The following THOC5 variants were observed in gnomAD, a reference collection of about 807,000 sequenced individuals.
THOC5 encodes the protein THO complex subunit 5, also known as Fms-interacting protein.
THOC5 carries 43 observed loss-of-function variants against 92.9 expected under a neutral mutation model. The ratio of observed to expected loss-of-function variants is 0.46; its 90% CI spans 0.36 to 0.60. THOC5 has a LOEUF of 0.60. Ranked by LOEUF, THOC5 falls within the 20% of genes least tolerant of loss-of-function variation. The probability of loss-of-function intolerance (pLI) is 0.00; values close to 1 mark genes in which losing one functional copy is unlikely to be tolerated. For missense variants in THOC5, 659 were observed against 849.4 expected (o/e 0.78, Z 2.79); for synonymous variants, 296 against 320.1 (o/e 0.92, Z 0.80).
At position 29,541,524 on chromosome 22, in the gene THOC5, A is replaced by G. The variant is rs1391352984; in HGVS notation, c.452+1335T>C. 8.6e-5 allele frequency among the ~76,000 whole-genome samples: 13 copies of G among 150,650 alleles called. No individual in the cohort carries two copies. In the East Asian group the frequency reaches 2.5e-3, roughly 29 times the overall value. The stretch of plus-strand genomic sequence containing the variant: ...CCTGTCTCAAAAAAAAAAAAAAAAA[A>G]AGACAAAAAACAAAACAATCAATCA... On this transcript the variant is annotated intron_variant, in intron 5 of 19. Transcript: ENST00000490103.
intron 6 of THOC5, among the ~76,000 whole-genome samples, chr22:29,538,800 GGAAAAAAAAAAAAAA>G (rs1364801451): frequency 1.2e-4 from 4 of 33,000 alleles, no homozygotes; most frequent in South Asian, 1.5e-3. Flanking sequence ...CCATCTCTTT[GGAAAAAAAAAAAAAA>G]AAAAAAAAAA....
chr22:29,531,170 A>G lies in THOC5; in HGVS notation c.847+661T>C, dbSNP rs148367187. ...GGGGAGGACCAGAAGGACGAGGAAG[A>G]CACAAGAAGAGACAGTAATGTGTTG... is the stretch of plus-strand genomic sequence containing the variant. On this transcript the variant is annotated intron_variant, in intron 8 of 19. Coordinates refer to ENST00000490103, the MANE Select transcript of THOC5 (RefSeq NM_003678.5). The G allele has an allele frequency of 6.5e-4, 725 of 1,121,206 alleles. 1 individual carries two copies. The highest frequency in any genetic ancestry group is 1.0e-3 in the Middle Eastern group (4 of 3,976). The allele number at this position is 1,121,206 out of a possible 1,614,324, so 69.5% of individuals were successfully genotyped here.
In THOC5 at chr22:29,526,317, A is replaced by G. The variant is rs149817058; in HGVS notation, c.1067-371T>C. On this transcript the variant is annotated intron_variant, in intron 11 of 19. Transcript: ENST00000490103. ...GGAGGCCAAGGTGGGCAGATCATGA[A>G]GTCAGGAGATCGAGACCATCCTGGC... Among the ~76,000 whole-genome samples the G allele has an allele frequency of 8.9e-3, 1,356 of 152,188 alleles. 16 individuals carry two copies. Among genetic ancestry groups the G allele is most frequent in the African/African-American group, 0.028 (1,161 of 41,544 alleles).
chr22:29,520,030 T>C lies in THOC5; in HGVS notation c.1352A>G (p.His451Arg), dbSNP rs981738196. ...YLWVQKLGGL[H>R]FPKEQPQQTV... ...GACCTGGGGCTGCTCTTTGGGGAAG[T>C]GGAGGCCACCCAGCTTCTGCACCCA... Residue 451 changes from histidine to arginine, a missense_variant, in exon 14 of 20, where the codon CAC becomes CGC. Transcript: ENST00000490103. 1.2e-6 allele frequency: 2 copies of C among 1,613,486 alleles called. No homozygotes were observed. Among genetic ancestry groups the C allele is most frequent in the African/African-American group, 1.3e-5 (1 of 74,850 alleles).
chr22:29,523,857 G>A (rs1160060821), intron 12 of THOC5, among the ~76,000 whole-genome samples: 1 of 152,218 alleles, frequency 6.6e-6, no homozygotes, highest in African/African-American at 2.4e-5. Flanking sequence ...TCAAGAATTA[G>A]TGTGAGAATA....
chr22:29,519,171 C>T (rs760221464), intron 14 of THOC5, 51 bp from the exon 15 acceptor site: 29 of 1,264,088 alleles, frequency 2.3e-5, no homozygotes, highest in African/African-American at 8.8e-5. Flanking sequence ...TCCCTTCCTC[C>T]GGGCACCATC....
At chr22:29,550,655 G>C (rs1487279706) in intron 1 of THOC5, 2 of 152,114 alleles carry the variant, frequency 1.3e-5, no homozygotes, top group African/African-American at 4.8e-5. Context: ...ATGGCTATGA[G>C]TCCCCGGACG....
At position 29,529,217 on chromosome 22, in the gene THOC5, G is replaced by C; in HGVS notation, c.870C>G (p.Ile290Met). The change falls in exon 9 of 20, where the codon ATC becomes ATG. Residue 290 changes from isoleucine (I) to methionine (M), a missense_variant. Transcript: ENST00000490103. The part of the protein sequence containing the change: ...QACDKTLSVA[I>M]EGSVDEAKAL... ...CCTTGGCTTCATCCACACTGCCTTC[G>C]ATTGCCACAGATAACGTCTTATCTG... 6.2e-7 allele frequency: 1 copy of C among 1,614,194 alleles called. No individual in the cohort carries two copies. Among genetic ancestry groups the C allele is most frequent in the Non-Finnish European group, 8.5e-7 (1 of 1,180,036 alleles).
At chr22:29,528,022 G>T in intron 11 of THOC5, 56 bp downstream of exon 11, 1 of 1,563,142 alleles carries the variant, frequency 6.4e-7, no homozygotes, top group South Asian at 1.1e-5. Context: ...TGCACCTGCA[G>T]CTGGGTGAAC....
intron 18 of THOC5, chr22:29,511,543 G>A (rs2063222735): frequency 1.9e-6 from 1 of 519,968 alleles, no homozygotes; most frequent in Admixed American, 3.4e-5. Context: ...AAACAGAGGT[G>A]TGCAGGGAAG....
intron 19 of THOC5, among the ~76,000 whole-genome samples, chr22:29,509,528 C>T (rs2063184149): frequency 6.6e-6 from 1 of 152,190 alleles, no homozygotes; most frequent in Non-Finnish European, 1.5e-5. Flanking sequence ...TATGAGATAA[C>T]ATAATGAACC....
chr22:29,544,031 G>A (rs1317686247), intron 3 of THOC5, among the ~76,000 whole-genome samples: 6 of 135,356 alleles, frequency 4.4e-5, no homozygotes, highest in African/African-American at 2.8e-5. Flanking sequence ...CTTATCTATC[G>A]AGTTTTTAGT....
intron 7 of THOC5, chr22:29,534,612 A>C (rs1440019423): frequency 6.6e-6 from 1 of 151,172 alleles, no homozygotes; most frequent in Non-Finnish European, 1.5e-5. Context: ...AAGTTTGCAG[A>C]TTCTGCACAG....
chr22:29,509,038 A>G (rs1301677796), intron 19 of THOC5, among the ~76,000 whole-genome samples: 1 of 151,978 alleles, frequency 6.6e-6, no homozygotes, highest in Non-Finnish European at 1.5e-5. Flanking sequence ...CTTGCTGCCC[A>G]TGCCAGCACT....
rs570776919 is a variant in THOC5, at chr22:29,517,756, G to A, written c.1490-390C>T. On this transcript the variant is annotated intron_variant, in intron 15 of 19. Transcript: ENST00000490103. ...TGATGGAGGAAACAACTGAAGTGTT[G>A]TGTGTCAGGGAGAAGAGCCAGATAA... is the stretch of plus-strand genomic sequence containing the variant. 1.7e-4 allele frequency among the ~76,000 whole-genome samples: 26 copies of A among 152,364 alleles called. No homozygotes were observed. In the South Asian group the frequency reaches 2.5e-3, roughly 15 times the overall value.
chr22:29,518,196 G>A (rs1254755028), intron 15 of THOC5, among the ~76,000 whole-genome samples: 1 of 152,104 alleles, frequency 6.6e-6, no homozygotes, highest in Admixed American at 6.6e-5. Context: ...ACCATGCCCA[G>A]CTAATTTTTG....
Position 29,536,755 on chromosome 22 carries a change from G to C in THOC5, c.600-17C>G. The C allele has an allele frequency of 6.9e-7, 1 of 1,441,238 alleles. No homozygotes were observed. Among genetic ancestry groups the C allele is most frequent in the Non-Finnish European group, 9.8e-7 (1 of 1,022,352 alleles). The allele number at this position is 1,441,238 out of a possible 1,614,324, so 89.3% of individuals were successfully genotyped here. A position where few individuals can be genotyped will look rare whatever the true frequency, so the allele number is the denominator to read the frequency against. ...TCTGCCAGCCTGTTGGGGGAGGAAA[G>C]AGCATTGTCACCTGATATCCCCCAG... is the stretch of plus-strand genomic sequence containing the variant. On this transcript the variant is annotated splice_polypyrimidine_tract_variant and intron_variant, in intron 6 of 19. Coordinates refer to ENST00000490103, the MANE Select transcript of THOC5 (RefSeq NM_003678.5).
At chr22:29,533,597 T>C (rs1171526181) in intron 7 of THOC5, among the ~76,000 whole-genome samples, 2 of 152,184 alleles carry the variant, frequency 1.3e-5, no homozygotes, top group Non-Finnish European at 2.9e-5. Flanking sequence ...CATTAAAAGA[T>C]ACCATTAGCA....
intron 6 of THOC5, among the ~76,000 whole-genome samples, chr22:29,538,438 A>G (rs2063804979): frequency 6.6e-6 from 1 of 152,234 alleles, no homozygotes; most frequent in African/African-American, 2.4e-5. Context: ...ATACACTTAC[A>G]GATAAGGGGA....
Sources: allele counts gnomAD v4.1 joint callset (sites outside exome capture counted in the v4.1 genomes callset), GRCh38; gene constraint gnomAD v4.1.1; transcripts MANE v1.5; gene names NCBI Gene and HGNC (gene_info 2026-07-23, HGNC 2026-07-21).